The following MYRIP variants were observed in gnomAD, a reference collection of about 807,000 sequenced individuals.
The protein encoded by MYRIP is myosin VIIA and Rab interacting protein.
In MYRIP, 49 loss-of-function variants were observed where a neutral mutation model predicts 98.0. The ratio of observed to expected loss-of-function variants is 0.50; its 90% confidence interval spans 0.40 to 0.63. The LOEUF is 0.63. Ranked by LOEUF, MYRIP falls within the 30% of genes least tolerant of loss-of-function variation. The pLI is 0.00. For missense variants in MYRIP, 1,004 were observed against 1,058.2 expected (o/e 0.95, Z 0.71); for synonymous variants, 404 against 409.5 (o/e 0.99, Z 0.16).
chr3:40,040,459 C>A (rs1173836999), intron 2 of MYRIP, among the ~76,000 whole-genome samples: 3 of 94,324 alleles, frequency 3.2e-5, no homozygotes, highest in African/African-American at 1.3e-4. Flanking sequence ...TACCATTTGA[C>A]CCAGCCATCC....
At chr3:39,859,090 T>C (rs370962277) in intron 1 of MYRIP, among the ~76,000 whole-genome samples, 3 of 138,842 alleles carry the variant, frequency 2.2e-5, no homozygotes, top group East Asian at 4.2e-4. Context: ...AAAAGACCAA[T>C]GAAACTGAGT....
chr3:39,903,610 A>T (rs995877685), intron 2 of MYRIP, among the ~76,000 whole-genome samples: 2 of 152,234 alleles, frequency 1.3e-5, no homozygotes, highest in African/African-American at 4.8e-5. Context: ...TGAAGAATTC[A>T]TGGAAAGAGA....
At chr3:40,209,749 T>C in intron 10 of MYRIP, 105 bp from the exon 11 acceptor site, 1 of 1,472,034 alleles carries the variant, frequency 6.8e-7, no homozygotes, top group South Asian at 1.4e-5. Context: ...GTTACTTTCC[T>C]AGACTATATG....
rs552531167 is a variant in MYRIP, at chr3:39,876,701, C to T, written c.-30-24086C>T. ...CTCTTCTGGCTTGTAGAGTTTCTGC[C>T]GAGAGATCTGCTGTTAGTCTGATGG... On this transcript the variant is annotated intron_variant, in intron 1 of 16. Transcript: ENST00000302541. 8.0e-3 allele frequency among the ~76,000 whole-genome samples: 1,212 copies of T among 151,240 alleles called. 15 individuals carry two copies. Among genetic ancestry groups the T allele is most frequent in the African/African-American group, 0.022 (895 of 40,576 alleles).
In MYRIP at chr3:40,167,831, G is replaced by T. The variant is rs569134150; in HGVS notation, c.729+592G>T. Among the ~76,000 whole-genome samples the T allele has an allele frequency of 1.9e-4, 29 of 152,242 alleles. 1 individual carries two copies. The South Asian group carries it at 6.0e-3, about 32-fold the overall frequency. The stretch of plus-strand genomic sequence containing the variant: ...TACCATTACCGGTTTAATATAAAGG[G>T]TACAGGTGAACGGCCAGATGAAGAG... On this transcript the variant is annotated intron_variant, in intron 7 of 16. Transcript: ENST00000302541.
chr3:40,003,894 A>G (rs900660889), intron 2 of MYRIP, among the ~76,000 whole-genome samples: 1 of 152,196 alleles, frequency 6.6e-6, no homozygotes, highest in African/African-American at 2.4e-5. Flanking sequence ...GGGCCAGGTA[A>G]GTCCTACACA....
chr3:40,160,138 G>T (rs1463966875), intron 4 of MYRIP, among the ~76,000 whole-genome samples: 1 of 152,136 alleles, frequency 6.6e-6, no homozygotes, highest in Non-Finnish European at 1.5e-5. Context: ...TCTACTTTTG[G>T]TCTTTGATGA....
At chr3:39,941,489 A>G (rs577834633) in intron 2 of MYRIP, among the ~76,000 whole-genome samples, 7 of 147,258 alleles carry the variant, frequency 4.8e-5, no homozygotes, top group South Asian at 4.4e-4. Context: ...TTAAAAATGT[A>G]TGTGTGTGTG....
chr3:40,139,092 C>T (rs1488583371), intron 3 of MYRIP, among the ~76,000 whole-genome samples: 1 of 152,172 alleles, frequency 6.6e-6, no homozygotes, highest in Non-Finnish European at 1.5e-5. Context: ...CTCTTCCTAG[C>T]TTATTTCACT....
At chr3:40,157,879 T>A (rs1575583981) in intron 4 of MYRIP, among the ~76,000 whole-genome samples, 1 of 152,062 alleles carries the variant, frequency 6.6e-6, no homozygotes, top group African/African-American at 2.4e-5. Context: ...ATTTGATTCT[T>A]CTCTCTCTTT....
chr3:40,041,168 T>C (rs1373492265), intron 2 of MYRIP, among the ~76,000 whole-genome samples: 88 of 140,668 alleles, frequency 6.3e-4, no homozygotes, highest in African/African-American at 2.3e-3. Flanking sequence ...CCAATAAATG[T>C]AGAAGGCATT....
chr3:40,147,554 A>AG (rs1009648933), intron 3 of MYRIP, among the ~76,000 whole-genome samples: 2 of 152,096 alleles, frequency 1.3e-5, no homozygotes, highest in Non-Finnish European at 2.9e-5. Context: ...ATTCATGGAG[A>AG]GAAAAAAAAC....
intron 16 of MYRIP, among the ~76,000 whole-genome samples, chr3:40,254,444 T>G (rs1953503517): frequency 2.2e-5 from 2 of 90,140 alleles, no homozygotes; most frequent in African/African-American, 4.4e-5. Flanking sequence ...ATAGAAAGAG[T>G]GGGGCAGGAG....
intron 1 of MYRIP, among the ~76,000 whole-genome samples, chr3:39,897,098 G>A (rs941406381): frequency 2.0e-5 from 3 of 152,302 alleles, no homozygotes; most frequent in Middle Eastern, 6.8e-3. Flanking sequence ...TGTTGGAATA[G>A]CTACTGGAGT....
intron 2 of MYRIP, among the ~76,000 whole-genome samples, chr3:39,904,063 T>C (rs1159059723): frequency 6.6e-6 from 1 of 152,246 alleles, no homozygotes; most frequent in Non-Finnish European, 1.5e-5. Flanking sequence ...TTGGTGTCTC[T>C]GATAATATTT....
intron 3 of MYRIP, among the ~76,000 whole-genome samples, chr3:40,070,531 T>C (rs1439353718): frequency 6.6e-6 from 1 of 152,216 alleles, no homozygotes; most frequent in African/African-American, 2.4e-5. Context: ...TTAAGGGTCC[T>C]CAACCCCCAG....
At chr3:39,814,401 G>A (rs990414112) in intron 1 of MYRIP, among the ~76,000 whole-genome samples, 11 of 152,032 alleles carry the variant, frequency 7.2e-5, no homozygotes, top group African/African-American at 2.7e-4. Context: ...TCAATTTTTT[G>A]TGTATTTCCA....
chr3:39,926,403 C>T, intron 2 of MYRIP, among the ~76,000 whole-genome samples: 1 of 151,896 alleles, frequency 6.6e-6, no homozygotes, highest in Non-Finnish European at 1.5e-5. Context: ...TCATAAATTC[C>T]TTGCCAAGGT....
chr3:39,865,884 G>C (rs4676456), intron 1 of MYRIP, among the ~76,000 whole-genome samples: 1 of 151,902 alleles, frequency 6.6e-6, no homozygotes, highest in Non-Finnish European at 1.5e-5. Flanking sequence ...TGTTCATTGC[G>C]GTACTGTCCA....
Sources: allele counts gnomAD v4.1 joint callset (sites outside exome capture counted in the v4.1 genomes callset), GRCh38; gene constraint gnomAD v4.1.1; transcripts MANE v1.5; gene names NCBI Gene and HGNC (gene_info 2026-07-23, HGNC 2026-07-21).